Variants in OGDH observed in about 807,000 individuals in gnomAD.
The protein encoded by OGDH is 2-oxoglutarate dehydrogenase complex component E1.
OGDH carries 38 observed loss-of-function variants against 116.6 expected under a neutral mutation model. The ratio of observed to expected loss-of-function variants is 0.33; its 90% CI spans 0.25 to 0.43. OGDH has a LOEUF of 0.43. Ranked by LOEUF, OGDH falls within the 20% of genes least tolerant of loss-of-function variation. The pLI, the probability that OGDH is intolerant of heterozygous loss-of-function variation, is 1.00. For missense variants in OGDH, 825 were observed against 1,357.2 expected (o/e 0.61, Z 6.16); for synonymous variants, 488 against 533.3 (o/e 0.92, Z 1.17).
intron 2 of OGDH, among the ~76,000 whole-genome samples, chr7:44,630,369 CT>C (rs1785387147): frequency 6.6e-6 from 1 of 152,310 alleles, no homozygotes; most frequent in South Asian, 2.1e-4. Context: ...ATAAGGAGAT[CT>C]GATATGTTCA....
chr7:44,670,989 C>G (rs1359468795), intron 5 of OGDH, among the ~76,000 whole-genome samples: 1 of 100,168 alleles, frequency 1.0e-5, no homozygotes, highest in African/African-American at 4.0e-5. Flanking sequence ...CCAGCCTGGG[C>G]AACAGAGCAA....
At chr7:44,621,666 G>A (rs1785014364) in intron 1 of OGDH, among the ~76,000 whole-genome samples, 1 of 152,082 alleles carries the variant, frequency 6.6e-6, no homozygotes, top group Non-Finnish European at 1.5e-5. Context: ...GAGGTCAGGA[G>A]TTTGAGACCA....
chr7:44,664,531 C>G (rs772359147), intron 4 of OGDH, among the ~76,000 whole-genome samples: 86 of 152,236 alleles, frequency 5.6e-4, no homozygotes, highest in Non-Finnish European at 1.1e-3. Context: ...TCAAATACAC[C>G]TCTTAAAGTT....
At position 44,707,924 on chromosome 7, in the gene OGDH, GAAGA is replaced by G; in HGVS notation, c.2998_3001del (p.Lys1000ProfsTer3). 6.2e-7 allele frequency: 1 copy of G among 1,613,868 alleles called. No individual in the cohort carries two copies. The highest frequency in any genetic ancestry group is 8.5e-7 in the Non-Finnish European group (1 of 1,180,008). On this transcript the variant is annotated frameshift_variant, in exon 23 of 23. Coordinates refer to ENST00000222673, the MANE Select transcript of OGDH (RefSeq NM_002541.4). LOFTEE classifies it high-confidence loss of function. The surrounding 1 kb of genome is among the most constrained non-coding windows in gnomAD (Gnocchi z 5.2). ...CGGCTGCTCCAGCCACCGGCAACAA[GAAGA>G]CCCACCTGACGGAGCTGCAGCGCCT...
chr7:44,627,322 C>G (rs911313810), intron 2 of OGDH, among the ~76,000 whole-genome samples: 6 of 152,198 alleles, frequency 3.9e-5, no homozygotes, highest in Admixed American at 2.6e-4. Flanking sequence ...GGGAGATAAT[C>G]CATAACTTCT....
intron 1 of OGDH, among the ~76,000 whole-genome samples, chr7:44,615,760 T>C (rs1046661251): frequency 2.6e-5 from 4 of 152,130 alleles, no homozygotes; most frequent in Admixed American, 2.6e-4. Flanking sequence ...AGTGCTCGGC[T>C]GGGTGTGGTG....
At chr7:44,671,064 C>T (rs967836183) in intron 5 of OGDH, among the ~76,000 whole-genome samples, 7 of 151,062 alleles carry the variant, frequency 4.6e-5, no homozygotes, top group African/African-American at 1.5e-4. Context: ...TTGGGGTTGT[C>T]TTAGTCCATT....
In OGDH at chr7:44,697,552, C is replaced by T. The variant is rs1338295483; in HGVS notation, c.2180-52C>T. ...CTGTCACCCACCCACCCCCGCTGGG[C>T]CTACTGGCTGGTGTCCTGGACATGG... On this transcript the variant is annotated intron_variant, in intron 16 of 22. Coordinates refer to ENST00000222673, the MANE Select transcript of OGDH (RefSeq NM_002541.4). This position sits in a 1 kb window ranked among gnomAD's most constrained non-coding sequence, Gnocchi z 6.0. 2 of 1,613,596 alleles carry T rather than the reference C, an allele frequency of 1.2e-6. No homozygotes were observed. Among genetic ancestry groups the T allele is most frequent in the East Asian group, 4.5e-5 (2 of 44,874 alleles).
At chr7:44,643,932 C>T (rs1047275618) in intron 2 of OGDH, among the ~76,000 whole-genome samples, 2 of 151,980 alleles carry the variant, frequency 1.3e-5, no homozygotes, top group Non-Finnish European at 2.9e-5. Context: ...TTTTGCCAGG[C>T]GCGATGGCTT....
At chr7:44,610,280 T>A (rs1399255650) in intron 1 of OGDH, among the ~76,000 whole-genome samples, 1 of 152,160 alleles carries the variant, frequency 6.6e-6, no homozygotes, top group African/African-American at 2.4e-5. Flanking sequence ...GTCAGCAGCA[T>A]GTCTTTTCAT....
intron 20 of OGDH, among the ~76,000 whole-genome samples, chr7:44,706,624 A>T (rs868268861): frequency 4.6e-4 from 57 of 123,230 alleles, no homozygotes; most frequent in African/African-American, 1.4e-3. Context: ...CCCGGCTGGT[A>T]TTTTTTTTTT....
At chr7:44,624,639 G>A (rs898000770) in intron 2 of OGDH, 74 bp downstream of exon 2, 18 of 1,327,702 alleles carry the variant, frequency 1.4e-5, no homozygotes, top group Non-Finnish European at 1.8e-5. Context: ...CCAGGTAAGT[G>A]TGTGCGTCCT....
intron 1 of OGDH, among the ~76,000 whole-genome samples, chr7:44,613,802 CTTT>C (rs11397029): frequency 1.9e-5 from 2 of 106,348 alleles, no homozygotes; most frequent in Non-Finnish European, 3.6e-5. Context: ...AGCCACCTGG[CTTT>C]TTTTTTTTTT....
intron 10 of OGDH, among the ~76,000 whole-genome samples, chr7:44,683,101 A>C (rs942520416): frequency 6.6e-6 from 1 of 152,186 alleles, no homozygotes; most frequent in Non-Finnish European, 1.5e-5. Flanking sequence ...GTGAGCTGAG[A>C]TCACGCCACT....
chr7:44,672,789 C>T (rs1787525541), intron 5 of OGDH, among the ~76,000 whole-genome samples: 7 of 152,006 alleles, frequency 4.6e-5, no homozygotes, highest in Admixed American at 3.3e-4. Flanking sequence ...ATAACAGGCA[C>T]ATGCCACCAT....
In OGDH at chr7:44,697,631, G is replaced by A; in HGVS notation, c.2207G>A (p.Ser736Asn). ...LGFELGFAMASPNALVLWEAQ... is the reference protein window; with the variant it reads ...LGFELGFAMANPNALVLWEAQ... ...TTTGAGCTGGGCTTCGCCATGGCCA[G>A]TCCTAATGCCCTGGTCCTCTGGGAA... Residue 736 changes from serine to asparagine, a missense_variant, in exon 17 of 23, where the codon AGT becomes AAT. Ser to Asn is a conservative substitution (Grantham distance 46). Coordinates refer to ENST00000222673, the MANE Select transcript of OGDH (RefSeq NM_002541.4). The surrounding 1 kb of genome is among the most constrained non-coding windows in gnomAD (Gnocchi z 6.0). The A allele has an allele frequency of 6.2e-7, 1 of 1,614,254 alleles. No individual in the cohort carries two copies. Among genetic ancestry groups the A allele is most frequent in the Non-Finnish European group, 8.5e-7 (1 of 1,180,044 alleles).
At chr7:44,667,111 AT>A (rs999506759) in intron 5 of OGDH, among the ~76,000 whole-genome samples, 1 of 151,210 alleles carries the variant, frequency 6.6e-6, no homozygotes, top group South Asian at 2.1e-4. Context: ...TGCCCAGCTA[AT>A]TTTTTTTTAA....
intron 10 of OGDH, among the ~76,000 whole-genome samples, chr7:44,691,430 G>A (rs1352358969): frequency 1.3e-5 from 2 of 151,722 alleles, no homozygotes; most frequent in African/African-American, 2.4e-5. Context: ...TACTGAGGAG[G>A]CTGAGGCAGG....
rs193007143 is a variant in OGDH, at chr7:44,682,701, A to T, written c.1335+853A>T. ...CAGGAGTCTGTCTAAAAAAAAAATT[A>T]AAAAAATTAGGCATGGTGGTGCATG... On this transcript the variant is annotated intron_variant, in intron 10 of 22. Coordinates refer to ENST00000222673, the MANE Select transcript of OGDH (RefSeq NM_002541.4). 7.4e-3 allele frequency among the ~76,000 whole-genome samples: 1,124 copies of T among 151,964 alleles called. 11 individuals are homozygous for T. Among genetic ancestry groups the T allele is most frequent in the African/African-American group, 0.025 (1,042 of 41,434 alleles).
Sources: gnomAD v4.1 joint callset for allele counts (sites outside exome capture counted in the v4.1 genomes callset) on GRCh38, gnomAD v4.1.1 for gene constraint, Gnocchi (gnomAD v3.1) non-coding constraint, MANE v1.5 for transcripts, NCBI Gene and HGNC (gene_info 2026-07-23, HGNC 2026-07-21) for gene names.